B3GLCT: variants seen among roughly 807,000 people sequenced by gnomAD.
The protein encoded by B3GLCT is beta-1,3-glucosyltransferase.
B3GLCT carries 65 observed loss-of-function variants against 63.4 expected under a neutral mutation model. The observed-to-expected ratio is 1.03, with a 90% CI of 0.84 to 1.26. B3GLCT has a LOEUF of 1.26. Among genes scored for constraint, B3GLCT ranks in the 50% most tolerant of loss-of-function variants. B3GLCT has a pLI of 0.00. For missense variants in B3GLCT, 577 were observed against 604.8 expected (o/e 0.95, Z 0.48); for synonymous variants, 233 against 219.2 (o/e 1.06, Z -0.55).
At chr13:31,324,320 A>G (rs1047289692) in intron 14 of B3GLCT, among the ~76,000 whole-genome samples, 3 of 152,194 alleles carry the variant, frequency 2.0e-5, no homozygotes, top group Non-Finnish European at 4.4e-5. Context: ...CTGTCTTTTC[A>G]CTGAGCTTTT....
At position 31,222,952 on chromosome 13, in the gene B3GLCT, G is replaced by C. The variant is rs755028268; in HGVS notation, c.121G>C (p.Asp41His). 43 of 1,520,098 alleles carry C rather than the reference G, an allele frequency of 2.8e-5. No homozygotes were observed. Among genetic ancestry groups the C allele is most frequent in the Non-Finnish European group, 3.8e-5 (42 of 1,095,446 alleles). The allele number at this position is 1,520,098 out of a possible 1,614,324, so 94.2% of individuals were successfully genotyped here. A position where few individuals can be genotyped will look rare whatever the true frequency, so the allele number is the denominator to read the frequency against. The change falls in exon 3 of 15, where the codon GAT (aspartate) becomes CAT (histidine). Residue 41 changes from aspartate to histidine, a missense_variant and splice_region_variant. Coordinates refer to ENST00000343307, the MANE Select transcript of B3GLCT (RefSeq NM_194318.4). ...DTKKEVKQSQDLEKSGISRKN... is the reference protein window; with the variant it reads ...DTKKEVKQSQHLEKSGISRKN... ...TTTTTCTCTTTCATTTAAAATACAG[G>C]ATTTGGAGAAAAGTGGTATATCAAG...
At position 31,289,595 on chromosome 13, in the gene B3GLCT, G is replaced by A. The variant is rs1365464646; in HGVS notation, c.1064+2776G>A. On this transcript the variant is annotated intron_variant, in intron 12 of 14. Transcript: ENST00000343307. ...CCTTATAGGCCAAAGAGAATGAGAT[G>A]GCACTTTAGCCATCGTGCTAAAAGA... 9.2e-5 allele frequency among the ~76,000 whole-genome samples: 13 copies of A among 142,060 alleles called. No homozygotes were observed. The Admixed American group carries it at 9.7e-4, about 11-fold the overall frequency. 93.2% of individuals were successfully genotyped at this position (142,060 alleles called of 152,430 possible).
At chr13:31,291,375 T>C (rs561853388) in intron 12 of B3GLCT, among the ~76,000 whole-genome samples, 2 of 152,338 alleles carry the variant, frequency 1.3e-5, no homozygotes, top group East Asian at 1.9e-4. Context: ...AAGTCAATGG[T>C]AGCTTGATGG....
chr13:31,295,103 G>T (rs992913803), intron 12 of B3GLCT, among the ~76,000 whole-genome samples: 1 of 152,070 alleles, frequency 6.6e-6, no homozygotes, highest in Non-Finnish European at 1.5e-5. Context: ...TTTGCTGGAC[G>T]TTCACTCCAG....
At chr13:31,271,198 C>T (rs1040490408) in intron 8 of B3GLCT, among the ~76,000 whole-genome samples, 1 of 152,256 alleles carries the variant, frequency 6.6e-6, no homozygotes, top group African/African-American at 2.4e-5. Context: ...CAGAGATTCT[C>T]TGGGGGCCCT....
chr13:31,323,391 A>C (rs1875429915), intron 13 of B3GLCT, among the ~76,000 whole-genome samples: 1 of 152,234 alleles, frequency 6.6e-6, no homozygotes, highest in Non-Finnish European at 1.5e-5. Flanking sequence ...CCTTAAAGAA[A>C]GTCTTTGATG....
intron 12 of B3GLCT, among the ~76,000 whole-genome samples, chr13:31,288,525 C>G (rs1593298821): frequency 1.3e-5 from 2 of 152,314 alleles, no homozygotes; most frequent in Admixed American, 1.3e-4. Context: ...CTTCTGCTGC[C>G]ACCACTGGGG....
At chr13:31,262,117 T>C (rs1872061924) in intron 7 of B3GLCT, among the ~76,000 whole-genome samples, 1 of 152,198 alleles carries the variant, frequency 6.6e-6, no homozygotes. Context: ...AAGAGTCGTT[T>C]GCAGTTGACA....
At chr13:31,325,018 T>C (rs984373191) in intron 14 of B3GLCT, among the ~76,000 whole-genome samples, 5 of 152,200 alleles carry the variant, frequency 3.3e-5, no homozygotes, top group African/African-American at 1.2e-4. Context: ...ATGCTCTATT[T>C]ATTTGGTAAC....
chr13:31,252,389 G>A (rs947388805), intron 6 of B3GLCT, among the ~76,000 whole-genome samples: 2 of 152,140 alleles, frequency 1.3e-5, no homozygotes, highest in Non-Finnish European at 2.9e-5. Context: ...AAATGTAAAT[G>A]GGCTAAATGC....
chr13:31,268,079 C>T (rs1453015406), intron 7 of B3GLCT, among the ~76,000 whole-genome samples: 1 of 152,174 alleles, frequency 6.6e-6, no homozygotes, highest in Non-Finnish European at 1.5e-5. Context: ...CTCCTAGCCT[C>T]AAGCAGTCCT....
chr13:31,232,986 C>T lies in B3GLCT; in HGVS notation c.270+3692C>T, dbSNP rs149626059. 1.0e-3 allele frequency among the ~76,000 whole-genome samples: 154 copies of T among 152,232 alleles called. 2 individuals carry two copies. In the East Asian group the frequency reaches 0.011, roughly 11 times the overall value. ...CCTACATACAGTATGGACCTTTGGC[C>T]GTATGTACGCATGCATGCACACACA... On this transcript the variant is annotated intron_variant, in intron 4 of 14. Coordinates refer to ENST00000343307, the MANE Select transcript of B3GLCT (RefSeq NM_194318.4).
Position 31,316,407 on chromosome 13 carries a change from T to TTATATATATATATATATATATATATATA in B3GLCT, c.1065-1135_1065-1134insTATATATATATATATATATATATATATA, listed in dbSNP as rs71099949. ...TGGAATCAAGGAGATTTTGGAGGTT[T>TTATATATATATATATATATATATATATA]TATATATATATATATATATATATAA... On this transcript the variant is annotated intron_variant, in intron 12 of 14. Coordinates refer to ENST00000343307, the MANE Select transcript of B3GLCT (RefSeq NM_194318.4). Among the ~76,000 whole-genome samples, 383 of 40,648 alleles carry TTATATATATATATATATATATATATATA rather than the reference T, an allele frequency of 9.4e-3. 48 individuals are homozygous for TTATATATATATATATATATATATATATA. Among genetic ancestry groups the TTATATATATATATATATATATATATATA allele is most frequent in the Middle Eastern group, 0.024 (1 of 42 alleles). 26.7% of individuals were successfully genotyped at this position (40,648 alleles called of 152,430 possible). A position where few individuals can be genotyped will look rare whatever the true frequency, so the allele number is the denominator to read the frequency against.
At chr13:31,242,801 TA>T (rs1871019841) in intron 4 of B3GLCT, among the ~76,000 whole-genome samples, 1 of 152,236 alleles carries the variant, frequency 6.6e-6, no homozygotes, top group Non-Finnish European at 1.5e-5. Context: ...AATGAGGTAA[TA>T]TTTTATCTTG....
intron 13 of B3GLCT, among the ~76,000 whole-genome samples, chr13:31,320,512 C>T (rs1482592431): frequency 1.3e-5 from 2 of 152,212 alleles, no homozygotes; most frequent in Non-Finnish European, 2.9e-5. Flanking sequence ...GGCTTCGTGT[C>T]ATTCACCTCT....
chr13:31,256,603 C>A (rs772536904), intron 6 of B3GLCT, among the ~76,000 whole-genome samples: 1 of 152,056 alleles, frequency 6.6e-6, no homozygotes, highest in East Asian at 1.9e-4. Flanking sequence ...TAAAAAAGGA[C>A]GAGTTCATGT....
At chr13:31,262,384 G>A (rs796178938) in intron 7 of B3GLCT, among the ~76,000 whole-genome samples, 22 of 152,288 alleles carry the variant, frequency 1.4e-4, no homozygotes, top group African/African-American at 3.9e-4. Flanking sequence ...CCCATCTCCC[G>A]GCCCCTGCCA....
At chr13:31,287,399 T>G (rs1873387923) in intron 12 of B3GLCT, among the ~76,000 whole-genome samples, 1 of 152,162 alleles carries the variant, frequency 6.6e-6, no homozygotes, top group Non-Finnish European at 1.5e-5. Context: ...CACAAGGTAT[T>G]GAGAACAGCG....
intron 12 of B3GLCT, among the ~76,000 whole-genome samples, chr13:31,295,032 C>T (rs1873863342): frequency 6.6e-6 from 1 of 150,694 alleles, no homozygotes; most frequent in African/African-American, 2.4e-5. Context: ...TGATGCTATT[C>T]CTTTCTGTTT....
Sources: gnomAD v4.1 joint callset for allele counts (sites outside exome capture counted in the v4.1 genomes callset) on GRCh38, gnomAD v4.1.1 for gene constraint, MANE v1.5 for transcripts, NCBI Gene and HGNC (gene_info 2026-07-23, HGNC 2026-07-21) for gene names.